The following PLCB4 variants were observed in gnomAD, a reference collection of about 807,000 sequenced individuals.
PLCB4 encodes 1-phosphatidylinositol 4,5-bisphosphate phosphodiesterase beta-4.
A neutral mutation model predicts 178.8 loss-of-function variants in PLCB4; 77 were observed. The ratio of observed to expected loss-of-function variants is 0.43; its 90% CI spans 0.36 to 0.52. The LOEUF (loss-of-function observed/expected upper bound fraction) is 0.52. PLCB4 is among the 20% of genes least tolerant of loss of function. The probability of loss-of-function intolerance (pLI) is 0.00; values close to 1 mark genes in which losing one functional copy is unlikely to be tolerated. For synonymous variants in PLCB4, 496 were observed against 490.8 expected, an observed-to-expected ratio of 1.01 and a Z score of -0.14; for missense variants, 1,024 against 1,453.4, an observed-to-expected ratio of 0.70 and a Z score of 4.80.
intron 3 of PLCB4, among the ~76,000 whole-genome samples, chr20:9,259,826 C>T (rs532654635): frequency 6.6e-6 from 1 of 152,132 alleles, no homozygotes; most frequent in Non-Finnish European, 1.5e-5. Context: ...ATGTAGAATA[C>T]TTCAATAATT....
chr20:9,189,636 G>A (rs2093374111), intron 2 of PLCB4, among the ~76,000 whole-genome samples: 2 of 152,158 alleles, frequency 1.3e-5, no homozygotes, highest in Admixed American at 1.3e-4. Flanking sequence ...CCACAGACTG[G>A]GCGATTTATA....
rs73897449 is a variant in PLCB4 at position 9,473,252 on chromosome 20, G to A, written c.3409-27G>A. 2.4e-3 allele frequency: 2,363 copies of A among 997,128 alleles called. 21 individuals carry two copies. In the African/African-American group the frequency reaches 0.043, roughly 18 times the overall value. 61.8% of individuals were successfully genotyped at this position (997,128 alleles called of 1,614,324 possible). On this transcript the variant is annotated intron_variant, in intron 37 of 39. Coordinates refer to ENST00000378473, the MANE Select transcript of PLCB4 (RefSeq NM_001377142.1). The stretch of plus-strand genomic sequence containing the variant: ...AAGATTGTAACCCAAAGTTCAATCA[G>A]AATTTTTTTTTTTTTTTTTTTTGCA...
intron 3 of PLCB4, among the ~76,000 whole-genome samples, chr20:9,222,400 G>A (rs1390655361): frequency 6.6e-6 from 1 of 151,966 alleles, no homozygotes; most frequent in Non-Finnish European, 1.5e-5. Flanking sequence ...GCCCTCTTGG[G>A]TGCCTTCGAT....
rs145859508 is a variant in PLCB4 at position 9,163,175 on chromosome 20, G to T, written c.-78-54215G>T. On this transcript the variant is annotated intron_variant, in intron 2 of 39. Coordinates refer to ENST00000378473, the MANE Select transcript of PLCB4 (RefSeq NM_001377142.1). ...AACTAAAGAATGTAGAAAATAATAA[G>T]AAACTAACTAAATTGGGAGATGGGT... is the stretch of plus-strand genomic sequence containing the variant. Among the ~76,000 whole-genome samples, 586 of 152,210 alleles carry T rather than the reference G, an allele frequency of 3.8e-3. 1 individual carries two copies. The highest frequency in any genetic ancestry group is 0.014 in the African/African-American group (567 of 41,538).
chr20:9,268,241 C>A (rs181722548), intron 3 of PLCB4, among the ~76,000 whole-genome samples: 1 of 152,220 alleles, frequency 6.6e-6, no homozygotes, highest in African/African-American at 2.4e-5. Flanking sequence ...ACAAAGGTAA[C>A]TTTTTGGTTC....
intron 15 of PLCB4, among the ~76,000 whole-genome samples, chr20:9,387,921 A>G (rs1337551371): frequency 2.0e-5 from 3 of 152,364 alleles, no homozygotes; most frequent in South Asian, 4.1e-4. Context: ...TACAGGAATA[A>G]AATAGATTGT....
At chr20:9,133,092 C>T (rs2092308664) in intron 2 of PLCB4, among the ~76,000 whole-genome samples, 2 of 152,116 alleles carry the variant, frequency 1.3e-5, no homozygotes, top group Non-Finnish European at 2.9e-5. Context: ...TAATTTCATA[C>T]CTCTGACCTT....
intron 1 of PLCB4, among the ~76,000 whole-genome samples, chr20:9,093,136 T>G (rs2090756916): frequency 6.6e-6 from 1 of 152,216 alleles, no homozygotes; most frequent in South Asian, 2.1e-4. Flanking sequence ...GATATACCAT[T>G]GCAAATTTAA....
chr20:9,172,848 C>G (rs1486892638), intron 2 of PLCB4, among the ~76,000 whole-genome samples: 1 of 152,152 alleles, frequency 6.6e-6, no homozygotes, highest in Admixed American at 6.6e-5. Context: ...AAAGTTACTT[C>G]CATATGTCTG....
chr20:9,402,507 G>A (rs2148471993), intron 20 of PLCB4, among the ~76,000 whole-genome samples: 1 of 152,314 alleles, frequency 6.6e-6, no homozygotes, highest in East Asian at 1.9e-4. Flanking sequence ...TACTGAAAAA[G>A]TTTAGAGAAG....
At position 9,144,624 on chromosome 20, in the gene PLCB4, C is replaced by T. The variant is rs1278969793; in HGVS notation, c.-79+48282C>T. 4.2e-5 allele frequency among the ~76,000 whole-genome samples: 6 copies of T among 143,168 alleles called. No homozygotes were observed. The East Asian group carries it at 1.2e-3, about 30-fold the overall frequency. 93.9% of individuals were successfully genotyped at this position (143,168 alleles called of 152,430 possible). On this transcript the variant is annotated intron_variant, in intron 2 of 39. Coordinates refer to ENST00000378473, the MANE Select transcript of PLCB4 (RefSeq NM_001377142.1). ...CTTGAGCAACAAAATGAGACCTAATCTCTACAAAAGAAAAAAAGAAAAGAA... is the reference window on the plus strand; with the variant it reads ...CTTGAGCAACAAAATGAGACCTAATTTCTACAAAAGAAAAAAAGAAAAGAA...
chr20:9,370,181 T>G (rs1260330728), intron 9 of PLCB4, among the ~76,000 whole-genome samples: 1 of 152,220 alleles, frequency 6.6e-6, no homozygotes, highest in Non-Finnish European at 1.5e-5. Context: ...AGGTGTTATC[T>G]ATTCTACTAG....
chr20:9,335,173 A>G (rs2032277010), intron 4 of PLCB4, among the ~76,000 whole-genome samples: 1 of 152,166 alleles, frequency 6.6e-6, no homozygotes, highest in Non-Finnish European at 1.5e-5. Context: ...ATATATTTGG[A>G]AATGGGCTAA....
intron 39 of PLCB4, 27 bp downstream of exon 39, chr20:9,476,780 A>G: frequency 1.3e-6 from 2 of 1,550,460 alleles, no homozygotes; most frequent in South Asian, 2.2e-5. Context: ...GATAAGCAAG[A>G]CGTTGCTTTC....
intron 3 of PLCB4, among the ~76,000 whole-genome samples, chr20:9,230,993 C>T (rs1332466069): frequency 1.3e-5 from 2 of 152,114 alleles, no homozygotes; most frequent in Non-Finnish European, 2.9e-5. Flanking sequence ...TAATAACAGA[C>T]TTTGCTTATA....
intron 9 of PLCB4, among the ~76,000 whole-genome samples, chr20:9,370,001 T>A (rs2036108029): frequency 6.6e-6 from 1 of 152,194 alleles, no homozygotes; most frequent in African/African-American, 2.4e-5. Flanking sequence ...GGGCTTCCAA[T>A]CAGGGAGCGA....
intron 34 of PLCB4, among the ~76,000 whole-genome samples, chr20:9,458,856 G>T (rs1395549584): frequency 6.6e-6 from 1 of 152,200 alleles, no homozygotes; most frequent in Non-Finnish European, 1.5e-5. Flanking sequence ...CCACTGCAAA[G>T]AGCTTGGATA....
At chr20:9,386,125 C>T (rs2037632976) in intron 14 of PLCB4, among the ~76,000 whole-genome samples, 1 of 152,130 alleles carries the variant, frequency 6.6e-6, no homozygotes, top group Non-Finnish European at 1.5e-5. Flanking sequence ...TGGTGGCGCA[C>T]ACCCGCAATC....
intron 3 of PLCB4, among the ~76,000 whole-genome samples, chr20:9,245,041 A>T (rs2094110210): frequency 6.6e-6 from 1 of 152,214 alleles, no homozygotes; most frequent in South Asian, 2.1e-4. Flanking sequence ...GGAGTTGGCC[A>T]GTTGTAGGTT....
Sources: gnomAD v4.1 joint callset for allele counts (sites outside exome capture counted in the v4.1 genomes callset) on GRCh38, gnomAD v4.1.1 for gene constraint, MANE v1.5 for transcripts, NCBI Gene and HGNC (gene_info 2026-07-23, HGNC 2026-07-21) for gene names.